Variants in DLG2 observed in about 807,000 individuals in gnomAD.
The protein encoded by DLG2 is disks large homolog 2.
Under a neutral mutation model 132.5 loss-of-function variants are expected in DLG2, and 45 were observed. That is an observed-to-expected ratio of 0.34 (90% CI 0.27 to 0.44). DLG2 has a LOEUF of 0.44. DLG2 is among the 20% of genes least tolerant of loss of function. The probability of loss-of-function intolerance (pLI) is 1.00; values close to 1 mark genes in which losing one functional copy is unlikely to be tolerated. For synonymous variants in DLG2, 424 were observed against 419.6 expected (o/e 1.01, Z -0.13); for missense variants, 1,045 against 1,196.9 (o/e 0.87, Z 1.87).
intron 7 of DLG2, among the ~76,000 whole-genome samples, chr11:84,333,489 T>A (rs1189851631): frequency 6.6e-6 from 1 of 152,212 alleles, no homozygotes; most frequent in African/African-American, 2.4e-5. Flanking sequence ...GCTGGCCCCT[T>A]TTCAAAAGCA....
rs12575709 is a variant in DLG2 at position 85,477,159 on chromosome 11, T to C, written c.40+121498A>G. Among the ~76,000 whole-genome samples the C allele has an allele frequency of 5.6e-3, 853 of 152,306 alleles. 46 individuals carry two copies. In the East Asian group the frequency reaches 0.13, roughly 23 times the overall value. On this transcript the variant is annotated intron_variant, in intron 3 of 27. Transcript: ENST00000376104. ...TCGGCTGTTCACCAAAACGTCATTATGGAGCACACAACTGTACTTCATAAT... is the reference window on the plus strand; with the variant it reads ...TCGGCTGTTCACCAAAACGTCATTACGGAGCACACAACTGTACTTCATAAT...
At chr11:85,035,502 A>T (rs1156857662) in intron 6 of DLG2, among the ~76,000 whole-genome samples, 1 of 151,110 alleles carries the variant, frequency 6.6e-6, no homozygotes. Flanking sequence ...AGAAGGAAAA[A>T]CTCCCACTTT....
chr11:85,504,177 A>C (rs1332754160), intron 3 of DLG2, among the ~76,000 whole-genome samples: 1 of 151,960 alleles, frequency 6.6e-6, no homozygotes, highest in Non-Finnish European at 1.5e-5. Context: ...GTTCACTCTG[A>C]TGGTAGTTTC....
intron 7 of DLG2, among the ~76,000 whole-genome samples, chr11:84,354,747 TAC>T (rs2098600848): frequency 3.9e-5 from 6 of 152,102 alleles, no homozygotes; most frequent in Admixed American, 3.9e-4. Flanking sequence ...CTGGTTATTG[TAC>T]AGTTAGGCTC....
chr11:84,527,014 A>G (rs912190172), intron 7 of DLG2, among the ~76,000 whole-genome samples: 2 of 151,960 alleles, frequency 1.3e-5, no homozygotes, highest in African/African-American at 4.8e-5. Context: ...TCCTGACCTC[A>G]TGATCCACCC....
At chr11:83,646,272 A>AT in intron 18 of DLG2, among the ~76,000 whole-genome samples, 1 of 151,980 alleles carries the variant, frequency 6.6e-6, no homozygotes, top group Non-Finnish European at 1.5e-5. Context: ...TTTGTTTCCC[A>AT]TTTTGAGTCA....
chr11:84,579,225 T>G (rs1454476200), intron 6 of DLG2, among the ~76,000 whole-genome samples: 1 of 129,086 alleles, frequency 7.7e-6, no homozygotes, highest in East Asian at 2.1e-4. Flanking sequence ...GTGTGTGTCT[T>G]TCTTTTCTAC....
intron 6 of DLG2, among the ~76,000 whole-genome samples, chr11:84,978,556 A>C (rs1034561114): frequency 6.6e-5 from 10 of 152,264 alleles, no homozygotes; most frequent in East Asian, 1.9e-4. Flanking sequence ...CAAAAACAAG[A>C]AATGGGGAAA....
chr11:85,072,932 C>T (rs774011409), intron 6 of DLG2, among the ~76,000 whole-genome samples: 7 of 151,668 alleles, frequency 4.6e-5, no homozygotes, highest in Non-Finnish European at 7.4e-5. Context: ...CATCAGGCTA[C>T]AAAACAACAA....
intron 18 of DLG2, among the ~76,000 whole-genome samples, chr11:83,732,132 A>G (rs538212162): frequency 3.5e-4 from 54 of 152,326 alleles, no homozygotes; most frequent in Admixed American, 1.1e-3. Context: ...AGTATGTTAA[A>G]GACGTGTTCA....
chr11:85,001,604 T>C (rs746536482), intron 6 of DLG2, among the ~76,000 whole-genome samples: 30 of 152,186 alleles, frequency 2.0e-4, no homozygotes, highest in Admixed American at 2.0e-3. Flanking sequence ...GAAGAGCTTT[T>C]AAAAATTACT....
At chr11:84,875,740 TCTC>T (rs987479606) in intron 6 of DLG2, among the ~76,000 whole-genome samples, 1 of 152,090 alleles carries the variant, frequency 6.6e-6, no homozygotes, top group African/African-American at 2.4e-5. Flanking sequence ...CTTATTTCCT[TCTC>T]CTTTTTTTTT....
At chr11:83,833,828 C>T (rs1023657882) in intron 16 of DLG2, 58 bp from the exon 17 acceptor site, 4 of 1,555,586 alleles carry the variant, frequency 2.6e-6, no homozygotes, top group Non-Finnish European at 3.5e-6. Context: ...ATTTACGTTG[C>T]TTTTACTTTC....
At chr11:84,252,052 A>G (rs2097385665) in intron 7 of DLG2, among the ~76,000 whole-genome samples, 1 of 150,326 alleles carries the variant, frequency 6.7e-6, no homozygotes, top group Admixed American at 6.6e-5. Context: ...GCCTTTTGAG[A>G]GTATGCTATA....
intron 6 of DLG2, among the ~76,000 whole-genome samples, chr11:84,551,538 T>A (rs1345531363): frequency 6.6e-6 from 1 of 152,228 alleles, no homozygotes; most frequent in African/African-American, 2.4e-5. Flanking sequence ...ATTTAATCCT[T>A]AAACAAACTT....
intron 7 of DLG2, among the ~76,000 whole-genome samples, chr11:84,340,937 G>A (rs538336276): frequency 6.6e-6 from 1 of 152,192 alleles, no homozygotes; most frequent in Non-Finnish European, 1.5e-5. Flanking sequence ...TTGAAGGAGA[G>A]CTACGTGGAA....
At chr11:85,148,487 A>G (rs2077006443) in intron 5 of DLG2, among the ~76,000 whole-genome samples, 1 of 152,020 alleles carries the variant, frequency 6.6e-6, no homozygotes, top group African/African-American at 2.4e-5. Context: ...TTTGATTTTC[A>G]TTTCTCTAAT....
intron 9 of DLG2, among the ~76,000 whole-genome samples, chr11:84,157,487 G>C (rs1259292743): frequency 6.6e-6 from 1 of 152,108 alleles, no homozygotes; most frequent in African/African-American, 2.4e-5. Flanking sequence ...CTGGAATGCA[G>C]TGGCACAATC....
At chr11:83,774,292 C>A (rs2094505160) in intron 18 of DLG2, among the ~76,000 whole-genome samples, 2 of 152,144 alleles carry the variant, frequency 1.3e-5, no homozygotes, top group Non-Finnish European at 2.9e-5. Flanking sequence ...CACATAATAG[C>A]CACATTATAG....
Sources: allele counts gnomAD v4.1 joint callset (sites outside exome capture counted in the v4.1 genomes callset), GRCh38; gene constraint gnomAD v4.1.1; transcripts MANE v1.5; gene names NCBI Gene and HGNC (gene_info 2026-07-23, HGNC 2026-07-21).